Variants in TAF4B observed in about 807,000 individuals in gnomAD.
The protein encoded by TAF4B is transcription initiation factor TFIID subunit 4B.
A neutral mutation model predicts 86.4 loss-of-function variants in TAF4B; 38 were observed. That is an observed-to-expected ratio of 0.44 (90% CI 0.34 to 0.58). The LOEUF (loss-of-function observed/expected upper bound fraction) is 0.58, where lower values mean the gene tolerates loss of function less well. Ranked by LOEUF, TAF4B falls within the 20% of genes least tolerant of loss-of-function variation. TAF4B has a pLI of 0.02. For missense variants in TAF4B, 988 were observed against 1,027.6 expected, an observed-to-expected ratio of 0.96 and a Z score of 0.53; for synonymous variants, 388 against 391.2, an observed-to-expected ratio of 0.99 and a Z score of 0.10.
intron 1 of TAF4B, among the ~76,000 whole-genome samples, chr18:26,247,006 C>T (rs565667355): frequency 1.1e-4 from 17 of 152,262 alleles, no homozygotes; most frequent in South Asian, 4.1e-4. Flanking sequence ...GCTGGGATTA[C>T]AAGCATGTGC....
At chr18:26,369,579 G>C (rs984777160) in intron 14 of TAF4B, among the ~76,000 whole-genome samples, 1 of 152,200 alleles carries the variant, frequency 6.6e-6, no homozygotes, top group Non-Finnish European at 1.5e-5. Flanking sequence ...TAGAAGATCA[G>C]GGTGAGGACA....
chr18:26,316,358 A>G (rs1677004), intron 10 of TAF4B, among the ~76,000 whole-genome samples: 54,009 of 151,818 alleles, frequency 0.36, 11,749 homozygotes, highest in East Asian at 0.81. Flanking sequence ...GCTGTATGCT[A>G]TATAAATGAC....
chr18:26,237,922 C>T (rs1032857226), intron 1 of TAF4B, among the ~76,000 whole-genome samples: 1 of 152,090 alleles, frequency 6.6e-6, no homozygotes, highest in African/African-American at 2.4e-5. Context: ...GAGCGTTTCC[C>T]ATCAGAAAAG....
At chr18:26,228,034 T>C (rs575742809) in intron 1 of TAF4B, among the ~76,000 whole-genome samples, 37 of 152,364 alleles carry the variant, frequency 2.4e-4, no homozygotes, top group Middle Eastern at 6.8e-3. Context: ...ACAGTTGCAA[T>C]TGAAGCCATG....
At chr18:26,365,463 A>T (rs145017308) in intron 14 of TAF4B, among the ~76,000 whole-genome samples, 1 of 152,210 alleles carries the variant, frequency 6.6e-6, no homozygotes, top group Non-Finnish European at 1.5e-5. Flanking sequence ...AAGTCTGGAA[A>T]GCTAGATGGG....
chr18:26,359,883 AT>A (rs11414642), intron 14 of TAF4B, among the ~76,000 whole-genome samples: 109 of 144,790 alleles, frequency 7.5e-4, no homozygotes, highest in African/African-American at 8.1e-4. Context: ...TGCCTGGCTA[AT>A]TTTTTTTTTT....
intron 9 of TAF4B, among the ~76,000 whole-genome samples, chr18:26,307,966 C>T (rs546451135): frequency 2.2e-4 from 34 of 152,014 alleles, no homozygotes; most frequent in Admixed American, 7.9e-4. Flanking sequence ...AAAAATGAGC[C>T]GGGTGTGGTG....
At chr18:26,373,377 CTGTTA>C (rs1365355536) in intron 14 of TAF4B, among the ~76,000 whole-genome samples, 2 of 152,106 alleles carry the variant, frequency 1.3e-5, no homozygotes, top group African/African-American at 4.8e-5. Context: ...GGTCCCTTTC[CTGTTA>C]TTGTCACTCA....
chr18:26,255,581 A>G, intron 1 of TAF4B: 2 of 631,234 alleles, frequency 3.2e-6, no homozygotes. Context: ...CAGCCTGGAC[A>G]ACAAGAGCAA....
chr18:26,382,416 G>A (rs1267847695), intron 14 of TAF4B, among the ~76,000 whole-genome samples: 2 of 152,014 alleles, frequency 1.3e-5, no homozygotes, highest in Non-Finnish European at 2.9e-5. Context: ...CTTGTGTGTC[G>A]AATTCCTTGG....
intron 12 of TAF4B, among the ~76,000 whole-genome samples, chr18:26,333,536 C>T (rs898355868): frequency 6.6e-6 from 1 of 152,108 alleles, no homozygotes; most frequent in Admixed American, 6.6e-5. Flanking sequence ...ACTATAGGCA[C>T]GTGTCACTAT....
At chr18:26,363,732 G>A (rs1226991420) in intron 14 of TAF4B, among the ~76,000 whole-genome samples, 1 of 152,106 alleles carries the variant, frequency 6.6e-6, no homozygotes, top group East Asian at 1.9e-4. Flanking sequence ...TCTGTACTCT[G>A]GAAACAAAGC....
In TAF4B at chr18:26,363,769, G is replaced by T. The variant is rs140375671; in HGVS notation, c.2421+5975G>T. 2.6e-5 allele frequency among the ~76,000 whole-genome samples: 4 copies of T among 151,976 alleles called. No individual in the cohort carries two copies. The South Asian group carries it at 6.2e-4, about 24-fold the overall frequency. On this transcript the variant is annotated intron_variant, in intron 14 of 14. Coordinates refer to ENST00000269142, the MANE Select transcript of TAF4B (RefSeq NM_005640.3). Reference sequence around the variant, plus strand: ...TTTACTTTTTGTTTGCTTCTTTATCGATGGGAACCTGAAATCTTAACATGT... The same window carrying T: ...TTTACTTTTTGTTTGCTTCTTTATCTATGGGAACCTGAAATCTTAACATGT...
intron 14 of TAF4B, among the ~76,000 whole-genome samples, chr18:26,361,499 A>C (rs973495796): frequency 6.6e-6 from 1 of 151,844 alleles, no homozygotes; most frequent in Admixed American, 6.6e-5. Context: ...TAATCCCAGC[A>C]CATTGGGAGG....
intron 5 of TAF4B, 125 bp downstream of exon 5, chr18:26,275,178 C>G: frequency 9.0e-7 from 1 of 1,115,614 alleles, no homozygotes; most frequent in Non-Finnish European, 1.2e-6. Context: ...TGTTTTGAGA[C>G]AGAGTCTCGC....
chr18:26,243,338 C>A (rs2055870558), intron 1 of TAF4B, among the ~76,000 whole-genome samples: 1 of 152,160 alleles, frequency 6.6e-6, no homozygotes, highest in East Asian at 1.9e-4. Context: ...TTCATTTGAT[C>A]TTCAATCACT....
intron 10 of TAF4B, among the ~76,000 whole-genome samples, chr18:26,319,809 C>T (rs921218211): frequency 6.6e-6 from 1 of 152,050 alleles, no homozygotes; most frequent in Non-Finnish European, 1.5e-5. Context: ...AGGCTGGTCT[C>T]GAACTCCTGA....
At position 26,386,742 on chromosome 18, in the gene TAF4B, A is replaced by G. The variant is rs1311286709; in HGVS notation, c.2422-3103A>G. On this transcript the variant is annotated intron_variant, in intron 14 of 14. Coordinates refer to ENST00000269142, the MANE Select transcript of TAF4B (RefSeq NM_005640.3). Reference sequence around the variant, plus strand: ...TGTTACCCAGTCGTTATTGCTGTGTATTATTCCATGGTATGACTATTCCAC... The same window carrying G: ...TGTTACCCAGTCGTTATTGCTGTGTGTTATTCCATGGTATGACTATTCCAC... Among the ~76,000 whole-genome samples the G allele has an allele frequency of 2.6e-5, 4 of 152,168 alleles. No individual in the cohort carries two copies. The East Asian group carries it at 5.8e-4, about 22-fold the overall frequency.
At chr18:26,264,302 A>G (rs901361332) in intron 1 of TAF4B, among the ~76,000 whole-genome samples, 28 of 152,280 alleles carry the variant, frequency 1.8e-4, no homozygotes, top group African/African-American at 1.4e-4. Context: ...TTAGCTGGGC[A>G]TGGTGGTGCA....
Sources: gnomAD v4.1 joint callset for allele counts (sites outside exome capture counted in the v4.1 genomes callset) on GRCh38, gnomAD v4.1.1 for gene constraint, MANE v1.5 for transcripts, NCBI Gene and HGNC (gene_info 2026-07-23, HGNC 2026-07-21) for gene names.